Variants in SLIT3 observed in about 807,000 individuals in gnomAD.
SLIT3 encodes slit homolog 3 protein.
SLIT3 carries 68 observed loss-of-function variants against 184.0 expected under a neutral mutation model. The observed-to-expected ratio is 0.37, with a 90% CI of 0.30 to 0.45. SLIT3 has a LOEUF of 0.45. Ranked by LOEUF, SLIT3 falls within the 20% of genes least tolerant of loss-of-function variation. The probability of loss-of-function intolerance (pLI) is 1.00; values close to 1 mark genes in which losing one functional copy is unlikely to be tolerated. For synonymous variants in SLIT3, 831 were observed against 828.6 expected (o/e 1.00, Z -0.05); for missense variants, 1,707 against 2,026.0 (o/e 0.84, Z 3.02).
At chr5:169,093,929 G>A (rs1244532200) in intron 4 of SLIT3, among the ~76,000 whole-genome samples, 2 of 152,118 alleles carry the variant, frequency 1.3e-5, no homozygotes, top group Admixed American at 6.5e-5. Context: ...CTAAATAGAA[G>A]TAATACCTTT....
intron 5 of SLIT3, among the ~76,000 whole-genome samples, chr5:168,856,806 T>TGTGTGTGTGCGCGCGC (rs374432432): frequency 8.7e-5 from 12 of 137,738 alleles, no homozygotes; most frequent in African/African-American, 3.3e-4. Context: ...TGTGTGTGTG[T>TGTGTGTGTGCGCGCGC]GCGCGCGCGC....
At chr5:168,898,620 T>C (rs900893941) in intron 4 of SLIT3, among the ~76,000 whole-genome samples, 5 of 152,184 alleles carry the variant, frequency 3.3e-5, no homozygotes, top group Non-Finnish European at 5.9e-5. Flanking sequence ...GAAAAGGGGA[T>C]TAAAAGAGGA....
intron 4 of SLIT3, among the ~76,000 whole-genome samples, chr5:169,158,089 T>C (rs1273812463): frequency 6.6e-6 from 1 of 152,002 alleles, no homozygotes; most frequent in Non-Finnish European, 1.5e-5. Context: ...CATTTCTAAA[T>C]TTGGAAAAAG....
At chr5:168,897,352 T>TG (rs1760701852) in intron 4 of SLIT3, among the ~76,000 whole-genome samples, 1 of 152,014 alleles carries the variant, frequency 6.6e-6, no homozygotes, top group Admixed American at 6.5e-5. Context: ...AAAGTCAGCC[T>TG]CTGAGTGCTG....
chr5:168,795,298 C>T (rs1037103705), intron 10 of SLIT3, among the ~76,000 whole-genome samples: 7 of 152,166 alleles, frequency 4.6e-5, no homozygotes, highest in East Asian at 1.9e-4. Context: ...GCTCTTAGCG[C>T]TACATGTCCA....
At chr5:169,104,899 G>A (rs149899021) in intron 4 of SLIT3, among the ~76,000 whole-genome samples, 3 of 152,280 alleles carry the variant, frequency 2.0e-5, no homozygotes, top group East Asian at 3.9e-4. Context: ...CCTTCCAATT[G>A]TTTCCCCTTC....
intron 4 of SLIT3, among the ~76,000 whole-genome samples, chr5:169,062,741 T>C (rs1737059831): frequency 6.6e-6 from 1 of 152,366 alleles, no homozygotes. Flanking sequence ...CCTGTTAGGT[T>C]TCTTTACCCA....
chr5:168,999,543 G>C (rs1755631719), intron 4 of SLIT3, among the ~76,000 whole-genome samples: 1 of 152,262 alleles, frequency 6.6e-6, no homozygotes, highest in South Asian at 2.1e-4. Context: ...ATGGAGACCA[G>C]AACATGGGCT....
intron 6 of SLIT3, among the ~76,000 whole-genome samples, chr5:168,830,995 G>A (rs552886959): frequency 2.1e-4 from 32 of 152,106 alleles, no homozygotes; most frequent in African/African-American, 7.7e-4. Flanking sequence ...GCACTAGACA[G>A]CCCTCCTCCT....
At chr5:169,064,326 A>G (rs1482911851) in intron 4 of SLIT3, among the ~76,000 whole-genome samples, 1 of 152,186 alleles carries the variant, frequency 6.6e-6, no homozygotes, top group Non-Finnish European at 1.5e-5. Context: ...GGTGGTTGAA[A>G]TGGAAACTTG....
At chr5:169,170,291 G>A (rs1762776777) in intron 4 of SLIT3, among the ~76,000 whole-genome samples, 1 of 152,088 alleles carries the variant, frequency 6.6e-6, no homozygotes, top group African/African-American at 2.4e-5. Flanking sequence ...ACTTCTCAGG[G>A]GTGAAAAGAC....
chr5:169,103,473 C>T (rs938867514), intron 4 of SLIT3, among the ~76,000 whole-genome samples: 1 of 152,190 alleles, frequency 6.6e-6, no homozygotes, highest in African/African-American at 2.4e-5. Flanking sequence ...GAAAAGTCAA[C>T]TCTGCCTGGT....
At chr5:169,262,935 A>G (rs73319562) in intron 1 of SLIT3, among the ~76,000 whole-genome samples, 15,335 of 152,172 alleles carry the variant, frequency 0.1, 2,537 homozygotes, top group African/African-American at 0.35. Context: ...TCCTAACCCC[A>G]GCTACCTATG....
At chr5:168,743,798 C>G (rs10434684) in intron 20 of SLIT3, among the ~76,000 whole-genome samples, 58,509 of 152,074 alleles carry the variant, frequency 0.38, 11,579 homozygotes, top group East Asian at 0.47. Flanking sequence ...ACACATGAAT[C>G]ATGAGAAAGA....
intron 4 of SLIT3, among the ~76,000 whole-genome samples, chr5:169,038,323 A>G (rs1757327344): frequency 6.6e-6 from 1 of 152,228 alleles, no homozygotes; most frequent in South Asian, 2.1e-4. Context: ...CTGCTGATTG[A>G]ATATGTGTAT....
At chr5:169,050,517 T>C (rs1307934973) in intron 4 of SLIT3, among the ~76,000 whole-genome samples, 1 of 152,214 alleles carries the variant, frequency 6.6e-6, no homozygotes, top group Non-Finnish European at 1.5e-5. Context: ...AAATATCTAT[T>C]CAGTGTCCAT....
chr5:168,821,432 G>A (rs978146473), intron 7 of SLIT3, among the ~76,000 whole-genome samples: 1 of 152,218 alleles, frequency 6.6e-6, no homozygotes, highest in East Asian at 1.9e-4. Context: ...GCACCCTGAG[G>A]TGCACTCTTG....
chr5:169,276,658 T>TA (rs2113640393), intron 1 of SLIT3, among the ~76,000 whole-genome samples: 1 of 152,356 alleles, frequency 6.6e-6, no homozygotes, highest in African/African-American at 2.4e-5. Context: ...ATCTTTGTGT[T>TA]CCACAGTTGC....
At chr5:169,279,946 T>C (rs1029181004) in intron 1 of SLIT3, among the ~76,000 whole-genome samples, 1 of 152,266 alleles carries the variant, frequency 6.6e-6, no homozygotes, top group Non-Finnish European at 1.5e-5. Flanking sequence ...GTCACCACGC[T>C]TGCTTTTGTT....
Sources: allele counts gnomAD v4.1 joint callset (sites outside exome capture counted in the v4.1 genomes callset), GRCh38; gene constraint gnomAD v4.1.1; transcripts MANE v1.5; gene names NCBI Gene and HGNC (gene_info 2026-07-23, HGNC 2026-07-21).